The following NLRC3 variants were observed in gnomAD, a reference collection of about 807,000 sequenced individuals.
NLRC3 encodes the protein NLR family CARD domain-containing protein 3.
A neutral mutation model predicts 91.6 loss-of-function variants in NLRC3; 87 were observed. The ratio of observed to expected loss-of-function variants is 0.95; its 90% CI spans 0.80 to 1.14. NLRC3 has a LOEUF of 1.14. Ranked by LOEUF, NLRC3 falls within the 50% of genes most tolerant of loss-of-function variation. The pLI, the probability that NLRC3 is intolerant of heterozygous loss-of-function variation, is 0.00. For missense variants in NLRC3, 1,577 were observed against 1,418.6 expected, an observed-to-expected ratio of 1.11 and a Z score of -1.79; for synonymous variants, 694 against 625.3, an observed-to-expected ratio of 1.11 and a Z score of -1.64.
chr16:3,573,010 T>C (rs1372126929), intron 1 of NLRC3, among the ~76,000 whole-genome samples: 3 of 69,800 alleles, frequency 4.3e-5, no homozygotes, highest in Admixed American at 3.5e-4. Flanking sequence ...AGACTCTATC[T>C]CAAAAAAAAA....
chr16:3,568,022 C>T (rs997046292), intron 1 of NLRC3, among the ~76,000 whole-genome samples: 1 of 151,840 alleles, frequency 6.6e-6, no homozygotes, highest in African/African-American at 2.4e-5. Context: ...CATGCCACCA[C>T]ACCTGGCTAA....
intron 7 of NLRC3, among the ~76,000 whole-genome samples, chr16:3,557,286 T>A (rs991400785): frequency 1.2e-4 from 19 of 152,198 alleles, no homozygotes; most frequent in Middle Eastern, 3.2e-3. Flanking sequence ...ATCTGGTGTG[T>A]CCCTGGCTGT....
At chr16:3,562,640 C>CA (rs973412849) in intron 5 of NLRC3, among the ~76,000 whole-genome samples, 19 of 150,080 alleles carry the variant, frequency 1.3e-4, no homozygotes, top group Middle Eastern at 3.2e-3. Context: ...GACTCCATCT[C>CA]AAAAAAAAAG....
rs2038826188 is a variant in NLRC3 at position 3,548,654 on chromosome 16, AGAGCTGCAGACTCACTGAAGGGAGGT to A, written c.2677_2687+15del. ...GCAGAAGGGGAACAGAGCAGGGTGG[AGAGCTGCAGACTCACTGAAGGGAGGT>A]GAGGGTGCGGTTTTCTCTCACTGCC... On this transcript the variant is annotated splice_donor_variant and splice_donor_5th_base_variant and coding_sequence_variant and intron_variant, in exon 14 of 20. Coordinates refer to ENST00000359128, the MANE Select transcript of NLRC3 (RefSeq NM_178844.4). LOFTEE classifies it high-confidence loss of function. 1 of 1,538,608 alleles carries A rather than the reference AGAGCTGCAGACTCACTGAAGGGAGGT, an allele frequency of 6.5e-7. No homozygotes were observed.
At position 3,542,289 on chromosome 16, in the gene NLRC3, G is replaced by T. The variant is rs1187755404; in HGVS notation, c.3024-15C>A. On this transcript the variant is annotated splice_polypyrimidine_tract_variant and intron_variant, in intron 18 of 19. Coordinates refer to ENST00000359128, the MANE Select transcript of NLRC3 (RefSeq NM_178844.4). ...TCTCTTGAAGACTAAGTGGAAAAGA[G>T]ATGGAGACACACGGTGAGCCATCAG... 2 of 1,515,992 alleles carry T rather than the reference G, an allele frequency of 1.3e-6. No individual in the cohort carries two copies. Among genetic ancestry groups the T allele is most frequent in the South Asian group, 2.4e-5 (2 of 84,338 alleles). 93.9% of individuals were successfully genotyped at this position (1,515,992 alleles called of 1,614,324 possible).
chr16:3,561,616 G>A, intron 6 of NLRC3, 86 bp downstream of exon 6: 2 of 921,528 alleles, frequency 2.2e-6, no homozygotes, highest in East Asian at 2.4e-5. Flanking sequence ...CAGCGCCGCT[G>A]GCCAGCTGAG....
At position 3,548,132 on chromosome 16, in the gene NLRC3, T is replaced by TA. The variant is rs2038795753; in HGVS notation, c.2771+2dup. On this transcript the variant is annotated splice_region_variant and intron_variant, in intron 15 of 19. Coordinates refer to ENST00000359128, the MANE Select transcript of NLRC3 (RefSeq NM_178844.4). ...CCTGCAGCCCCTGGGCAGGCCAACT[T>TA]ACTCTAAGCTGGTGAGGCTCCTGTT... 6.3e-7 allele frequency: 1 copy of TA among 1,577,682 alleles called. No homozygotes were observed. Among genetic ancestry groups the TA allele is most frequent in the Admixed American group, 1.8e-5 (1 of 54,764 alleles).
intron 6 of NLRC3, among the ~76,000 whole-genome samples, chr16:3,561,365 G>A (rs527859998): frequency 1.5e-4 from 23 of 152,266 alleles, no homozygotes; most frequent in African/African-American, 5.3e-4. Flanking sequence ...TTATAATCCT[G>A]TGCCTAGAAT....
intron 10 of NLRC3, among the ~76,000 whole-genome samples, chr16:3,551,335 C>T (rs117917234): frequency 0.022 from 3,290 of 147,060 alleles, 34 homozygotes; most frequent in Middle Eastern, 0.037. Context: ...TATCCATCCA[C>T]TCATCCATTC....
At chr16:3,545,764 G>A (rs2038660652) in intron 15 of NLRC3, 1 of 152,196 alleles carries the variant, frequency 6.6e-6, no homozygotes, top group Non-Finnish European at 1.5e-5. Flanking sequence ...GCTCAGCTAA[G>A]GAACCCAAAC....
chr16:3,550,506 G>T lies in NLRC3; in HGVS notation c.2352-9C>A, dbSNP rs776798847. 11 of 1,601,156 alleles carry T rather than the reference G, an allele frequency of 6.9e-6. No individual in the cohort carries two copies. The highest frequency in any genetic ancestry group is 9.4e-6 in the Non-Finnish European group (11 of 1,168,248). On this transcript the variant is annotated splice_polypyrimidine_tract_variant and intron_variant, in intron 10 of 19. Coordinates refer to ENST00000359128, the MANE Select transcript of NLRC3 (RefSeq NM_178844.4). ...TACTATTACTGGAGAACCTGCAAGA[G>T]AAGGGATATGGATGAGCCAGCCTCT...
chr16:3,550,850 C>T (rs1596450992), intron 10 of NLRC3, among the ~76,000 whole-genome samples: 2 of 152,266 alleles, frequency 1.3e-5, no homozygotes, highest in East Asian at 3.9e-4. Context: ...TTCACCCAGT[C>T]CTGGGAATCT....
At chr16:3,561,229 C>T (rs918574040) in intron 6 of NLRC3, among the ~76,000 whole-genome samples, 3 of 151,832 alleles carry the variant, frequency 2.0e-5, no homozygotes, top group Non-Finnish European at 4.4e-5. Context: ...CCCCTCTAAT[C>T]CCAGCTACTC....
Position 3,542,291 on chromosome 16 carries a change from T to TG in NLRC3, c.3024-18dup, listed in dbSNP as rs1226091861. ...TCTTGAAGACTAAGTGGAAAAGAGA[T>TG]GGAGACACACGGTGAGCCATCAGGG... is the stretch of plus-strand genomic sequence containing the variant. On this transcript the variant is annotated splice_polypyrimidine_tract_variant and intron_variant, in intron 18 of 19. Coordinates refer to ENST00000359128, the MANE Select transcript of NLRC3 (RefSeq NM_178844.4). 5 of 1,496,606 alleles carry TG rather than the reference T, an allele frequency of 3.3e-6. No homozygotes were observed. Among genetic ancestry groups the TG allele is most frequent in the East Asian group, 4.7e-5 (2 of 42,330 alleles). The allele number at this position is 1,496,606 out of a possible 1,614,324, so 92.7% of individuals were successfully genotyped here. A position where few individuals can be genotyped will look rare whatever the true frequency, so the allele number is the denominator to read the frequency against.
chr16:3,546,449 C>T (rs151125538), intron 15 of NLRC3, among the ~76,000 whole-genome samples: 2 of 151,322 alleles, frequency 1.3e-5, no homozygotes, highest in East Asian at 2.0e-4. Context: ...CCCAGCTACT[C>T]GGGAGGCTAA....
Position 3,563,368 on chromosome 16 carries a change from C to T in NLRC3, c.1569G>A (p.Pro523=), listed in dbSNP as rs753873843. ...AGCCGGCCAGGAGGGCATTGACCCTCGGAGACAAGAGGCCGGAGAGGAAGC... is the reference window on the plus strand; with the variant it reads ...AGCCGGCCAGGAGGGCATTGACCCTTGGAGACAAGAGGCCGGAGAGGAAGC... ...FLRFLSGLLS[P]RVNALLAGSL... The change falls in exon 5 of 20, where the codon CCG becomes CCA. Residue 523 remains proline, a synonymous_variant. Coordinates refer to ENST00000359128, the MANE Select transcript of NLRC3 (RefSeq NM_178844.4). 45 of 1,587,182 alleles carry T rather than the reference C, an allele frequency of 2.8e-5. No homozygotes were observed. The highest frequency in any genetic ancestry group is 5.3e-5 in the Admixed American group (3 of 56,186).
chr16:3,564,202 C>T lies in NLRC3; in HGVS notation c.735G>A (p.Val245=). ...ACTDPKKEIP[V]DHLITNIIRG... is the part of the protein sequence containing the mutation. ...GGATGATGTTGGTGATCAGGTGGTC[C>T]ACCGGGATCTCCTTCTTTGGGTCCG... is the stretch of plus-strand genomic sequence containing the variant. Residue 245 remains valine, a synonymous_variant, in exon 5 of 20, where the codon GTG becomes GTA. Transcript: ENST00000359128. The surrounding 1 kb of genome is among the most constrained non-coding windows in gnomAD (Gnocchi z 5.9). The T allele has an allele frequency of 6.2e-7, 1 of 1,613,476 alleles. No homozygotes were observed. Among genetic ancestry groups the T allele is most frequent in the Non-Finnish European group, 8.5e-7 (1 of 1,179,890 alleles).
intron 15 of NLRC3, chr16:3,545,193 C>T (rs562274915): frequency 1.3e-5 from 2 of 152,340 alleles, no homozygotes; most frequent in African/African-American, 2.4e-5. Flanking sequence ...CACCTTTAAT[C>T]CCAGCACTTT....
chr16:3,543,882 G>C (rs1019600739), intron 16 of NLRC3: 6 of 346,336 alleles, frequency 1.7e-5, no homozygotes, highest in Non-Finnish European at 2.7e-5. Context: ...GGCCAGGTGT[G>C]GTGGCTCACA....
Sources: gnomAD v4.1 joint callset for allele counts (sites outside exome capture counted in the v4.1 genomes callset) on GRCh38, gnomAD v4.1.1 for gene constraint, Gnocchi (gnomAD v3.1) non-coding constraint, MANE v1.5 for transcripts, NCBI Gene and HGNC (gene_info 2026-07-23, HGNC 2026-07-21) for gene names.